ADD3: variants seen among roughly 807,000 people sequenced by gnomAD.
The protein encoded by ADD3 is adducin 3, also known as gamma-adducin.
ADD3 carries 25 observed loss-of-function variants against 80.2 expected under a neutral mutation model. That is an observed-to-expected ratio of 0.31 (90% CI 0.23 to 0.44). The LOEUF (loss-of-function observed/expected upper bound fraction) is 0.44, where lower values mean the gene tolerates loss of function less well. Ranked by LOEUF, ADD3 falls within the 20% of genes least tolerant of loss-of-function variation. The probability of loss-of-function intolerance (pLI) is 1.00; values close to 1 mark genes in which losing one functional copy is unlikely to be tolerated. For missense variants in ADD3, 829 were observed against 847.5 expected (o/e 0.98, Z 0.27); for synonymous variants, 284 against 289.6 (o/e 0.98, Z 0.20).
At chr10:110,065,777 T>C (rs1005210811) in intron 1 of ADD3, among the ~76,000 whole-genome samples, 4 of 151,598 alleles carry the variant, frequency 2.6e-5, no homozygotes, top group Admixed American at 6.6e-5. Context: ...TGACCTTAAA[T>C]GATCCACCTG....
At chr10:110,079,725 G>C (rs1011863746) in intron 1 of ADD3, among the ~76,000 whole-genome samples, 2 of 152,000 alleles carry the variant, frequency 1.3e-5, no homozygotes, top group Non-Finnish European at 2.9e-5. Flanking sequence ...ATTTTTAGTA[G>C]AGATGGGGTT....
At chr10:110,064,012 T>A (rs1274237722) in intron 1 of ADD3, among the ~76,000 whole-genome samples, 1 of 152,024 alleles carries the variant, frequency 6.6e-6, no homozygotes, top group Non-Finnish European at 1.5e-5. Flanking sequence ...TCTACTCTTT[T>A]GTCTCCAGCT....
chr10:110,125,628 ATTTAT>A, intron 10 of ADD3, 193 bp from the exon 11 acceptor site: 1 of 365,654 alleles, frequency 2.7e-6, no homozygotes, highest in Non-Finnish European at 4.9e-6. Flanking sequence ...TCGTAATGGC[ATTTAT>A]TTTTTAAGTA....
chr10:110,093,873 C>T (rs1179866479), intron 1 of ADD3, among the ~76,000 whole-genome samples: 1 of 152,046 alleles, frequency 6.6e-6, no homozygotes, highest in Non-Finnish European at 1.5e-5. Flanking sequence ...TGAATGTGGT[C>T]TTTCCCTGTA....
At chr10:110,094,491 T>A (rs1847925784) in intron 1 of ADD3, among the ~76,000 whole-genome samples, 1 of 152,194 alleles carries the variant, frequency 6.6e-6, no homozygotes, top group South Asian at 2.1e-4. Context: ...TGTGGGATAA[T>A]TAAGTTTTTC....
intron 2 of ADD3, among the ~76,000 whole-genome samples, chr10:110,106,782 C>T (rs927193541): frequency 1.3e-5 from 2 of 151,948 alleles, no homozygotes; most frequent in African/African-American, 4.8e-5. Context: ...GTTCTGGGGG[C>T]AAATTAAGTT....
intron 1 of ADD3, among the ~76,000 whole-genome samples, chr10:110,013,719 T>G (rs915444982): frequency 6.6e-6 from 1 of 152,240 alleles, no homozygotes; most frequent in Non-Finnish European, 1.5e-5. Context: ...TGTGATTTCT[T>G]ACTTTCCCCT....
chr10:110,111,609 A>G (rs983705825), intron 2 of ADD3, among the ~76,000 whole-genome samples: 2 of 152,182 alleles, frequency 1.3e-5, no homozygotes, highest in African/African-American at 2.4e-5. Flanking sequence ...ATGGAACCCA[A>G]CGTTCCATTA....
chr10:110,119,782 T>A, intron 8 of ADD3: 1 of 437,250 alleles, frequency 2.3e-6, no homozygotes, highest in Non-Finnish European at 4.1e-6. Context: ...TCTAAGGGCC[T>A]CATAAACATC....
At chr10:110,054,787 T>G (rs936967251) in intron 1 of ADD3, among the ~76,000 whole-genome samples, 12 of 152,042 alleles carry the variant, frequency 7.9e-5, no homozygotes, top group African/African-American at 2.2e-4. Context: ...CTAATTTTTT[T>G]GTATTTTTAG....
intron 13 of ADD3, among the ~76,000 whole-genome samples, chr10:110,131,487 A>G (rs1265767786): frequency 6.6e-6 from 1 of 152,196 alleles, no homozygotes. Flanking sequence ...AGCATCCACA[A>G]CATACAGTTG....
intron 1 of ADD3, among the ~76,000 whole-genome samples, chr10:110,014,205 T>C (rs1310621859): frequency 6.6e-6 from 1 of 152,192 alleles, no homozygotes; most frequent in African/African-American, 2.4e-5. Flanking sequence ...CCTAGGAAGT[T>C]AGAGTGAGCA....
Position 110,100,681 on chromosome 10 carries a change from A to G in ADD3, c.28A>G (p.Ile10Val), listed in dbSNP as rs1848712196. The G allele has an allele frequency of 6.2e-7, 1 of 1,612,042 alleles. No homozygotes were observed. Among genetic ancestry groups the G allele is most frequent in the Admixed American group, 1.7e-5 (1 of 59,600 alleles). MSSDASQGV[I>V]TTPPPPSMPH... ...GAGCTCAGATGCCAGCCAAGGCGTG[A>G]TTACCACTCCTCCTCCTCCCAGCAT... is the stretch of plus-strand genomic sequence containing the variant. Residue 10 changes from isoleucine to valine, a missense_variant, in exon 2 of 15, where the codon ATT becomes GTT. Physicochemically the swap from Ile to Val is conservative, Grantham distance 29. Coordinates refer to ENST00000356080, the MANE Select transcript of ADD3 (RefSeq NM_016824.5).
In ADD3 at chr10:110,062,165, C is replaced by A. The variant is rs888259608; in HGVS notation, c.-29-38460C>A. ...ATCACCTGAGGTCGGGAGTTCAAGA[C>A]CAGCCTGATGAACATGGAGAAACAC... On this transcript the variant is annotated intron_variant, in intron 1 of 14. Coordinates refer to ENST00000356080, the MANE Select transcript of ADD3 (RefSeq NM_016824.5). 2.6e-4 allele frequency among the ~76,000 whole-genome samples: 31 copies of A among 118,818 alleles called. 1 individual carries two copies. Among genetic ancestry groups the A allele is most frequent in the Non-Finnish European group, 4.7e-4 (29 of 62,140 alleles). 77.9% of individuals were successfully genotyped at this position (118,818 alleles called of 152,430 possible).
At chr10:110,026,728 G>A (rs1478871151) in intron 1 of ADD3, among the ~76,000 whole-genome samples, 1 of 151,712 alleles carries the variant, frequency 6.6e-6, no homozygotes, top group East Asian at 1.9e-4. Flanking sequence ...AATCTTATAG[G>A]TCAGTTTTTA....
At position 110,119,334 on chromosome 10, in the gene ADD3, G is replaced by A; in HGVS notation, c.841G>A (p.Val281Ile). ...GGAGGAGAGAATTCAACTGCAGAAG[G>A]TTCTGGGACCAAGTTGTAAGGTATG... ...EQEERIQLQK[V>I]LGPSCKVLVL... Residue 281 changes from valine (V) to isoleucine (I), a missense_variant, in exon 7 of 15, where the codon GTT becomes ATT. Transcript: ENST00000356080. 6.2e-7 allele frequency: 1 copy of A among 1,614,132 alleles called. No individual in the cohort carries two copies. The highest frequency in any genetic ancestry group is 8.5e-7 in the Non-Finnish European group (1 of 1,180,004).
At chr10:110,125,485 T>C (rs1852028387) in intron 10 of ADD3, among the ~76,000 whole-genome samples, 1 of 152,094 alleles carries the variant, frequency 6.6e-6, no homozygotes, top group African/African-American at 2.4e-5. Context: ...CTGTCTTCAG[T>C]GCAGAAGACA....
At chr10:109,999,124 TAAAC>T (rs1215783582) in intron 1 of ADD3, among the ~76,000 whole-genome samples, 2 of 152,188 alleles carry the variant, frequency 1.3e-5, no homozygotes, top group South Asian at 4.1e-4. Context: ...TGTGGCAACT[TAAAC>T]AAGCTCTCAG....
chr10:110,042,551 TATA>T (rs1564882191), intron 1 of ADD3, among the ~76,000 whole-genome samples: 2 of 152,326 alleles, frequency 1.3e-5, no homozygotes, highest in East Asian at 1.9e-4. Flanking sequence ...TTATTTCAAT[TATA>T]ATAATACTAT....
Sources: allele counts gnomAD v4.1 joint callset (sites outside exome capture counted in the v4.1 genomes callset), GRCh38; gene constraint gnomAD v4.1.1; transcripts MANE v1.5; gene names NCBI Gene and HGNC (gene_info 2026-07-23, HGNC 2026-07-21).